CNTNAP2: variants seen among roughly 807,000 people sequenced by gnomAD.
CNTNAP2 encodes the protein contactin-associated protein-like 2.
In CNTNAP2, 98 loss-of-function variants were observed where a neutral mutation model predicts 155.2. The ratio of observed to expected loss-of-function variants is 0.63; its 90% CI spans 0.54 to 0.75. The LOEUF is 0.75. Ranked by LOEUF, CNTNAP2 falls within the 30% of genes least tolerant of loss-of-function variation. The probability of loss-of-function intolerance (pLI) is 0.00; values close to 1 mark genes in which losing one functional copy is unlikely to be tolerated. For missense variants in CNTNAP2, 1,727 were observed against 1,688.1 expected (o/e 1.02, Z -0.40); for synonymous variants, 651 against 631.2 (o/e 1.03, Z -0.47).
At chr7:146,302,905 G>A (rs1018074634) in intron 1 of CNTNAP2, among the ~76,000 whole-genome samples, 1 of 152,110 alleles carries the variant, frequency 6.6e-6, no homozygotes, top group East Asian at 1.9e-4. Context: ...TATGACCTTT[G>A]TAATAAATGT....
intron 21 of CNTNAP2, among the ~76,000 whole-genome samples, chr7:148,372,013 G>A (rs984599922): frequency 1.3e-5 from 2 of 151,888 alleles, no homozygotes; most frequent in African/African-American, 4.8e-5. Context: ...AGCCTGGCCA[G>A]CATGGTGAAA....
At chr7:148,380,307 G>A (rs1332254986) in intron 21 of CNTNAP2, among the ~76,000 whole-genome samples, 1 of 152,210 alleles carries the variant, frequency 6.6e-6, no homozygotes, top group Admixed American at 6.5e-5. Flanking sequence ...TCAAAAAAGT[G>A]ATAGCTATAC....
chr7:147,506,789 A>T (rs1242979210), intron 11 of CNTNAP2, among the ~76,000 whole-genome samples: 4 of 152,192 alleles, frequency 2.6e-5, no homozygotes, highest in Non-Finnish European at 5.9e-5. Context: ...TAACAAAAAC[A>T]CACTTGTTAG....
chr7:146,725,354 A>T (rs1356438550), intron 1 of CNTNAP2, among the ~76,000 whole-genome samples: 1 of 152,224 alleles, frequency 6.6e-6, no homozygotes, highest in African/African-American at 2.4e-5. Flanking sequence ...GCAGTGAAAG[A>T]GATCTGATGT....
chr7:146,598,221 A>C (rs1165022638), intron 1 of CNTNAP2, among the ~76,000 whole-genome samples: 1 of 152,144 alleles, frequency 6.6e-6, no homozygotes, highest in Non-Finnish European at 1.5e-5. Flanking sequence ...CCAGATGTCA[A>C]CACAGCAATT....
intron 8 of CNTNAP2, among the ~76,000 whole-genome samples, chr7:147,251,206 C>T (rs1016938646): frequency 6.6e-6 from 1 of 152,090 alleles, no homozygotes; most frequent in Non-Finnish European, 1.5e-5. Context: ...GCTGTCTTAG[C>T]AGACACCATC....
At chr7:146,361,681 C>T (rs1795085199) in intron 1 of CNTNAP2, among the ~76,000 whole-genome samples, 2 of 152,136 alleles carry the variant, frequency 1.3e-5, no homozygotes, top group Non-Finnish European at 2.9e-5. Context: ...CTTTATAGGT[C>T]AGGATCCATT....
chr7:147,682,274 G>T (rs536131017), intron 13 of CNTNAP2, among the ~76,000 whole-genome samples: 8 of 151,932 alleles, frequency 5.3e-5, no homozygotes, highest in African/African-American at 1.9e-4. Context: ...TTAATAAACT[G>T]CTAATTAGAA....
At chr7:147,514,712 G>C (rs757957668) in intron 11 of CNTNAP2, among the ~76,000 whole-genome samples, 1 of 151,936 alleles carries the variant, frequency 6.6e-6, no homozygotes, top group Non-Finnish European at 1.5e-5. Flanking sequence ...ATAGAGAAGA[G>C]AATGGGCCAT....
chr7:147,781,220 C>T (rs1405147521), intron 13 of CNTNAP2, among the ~76,000 whole-genome samples: 1 of 152,134 alleles, frequency 6.6e-6, no homozygotes, highest in Non-Finnish European at 1.5e-5. Context: ...TTTATGTTGC[C>T]TTATGACTGC....
intron 1 of CNTNAP2, among the ~76,000 whole-genome samples, chr7:146,248,058 G>A (rs939996327): frequency 4.7e-5 from 7 of 147,654 alleles, no homozygotes; most frequent in Non-Finnish European, 7.4e-5. Context: ...ATAAGGGATC[G>A]GGGCACAGAG....
chr7:147,550,530 C>T (rs1799831543), intron 11 of CNTNAP2, among the ~76,000 whole-genome samples: 1 of 152,160 alleles, frequency 6.6e-6, no homozygotes, highest in Non-Finnish European at 1.5e-5. Flanking sequence ...TTATAAATTA[C>T]CCAGTCTCAT....
At position 146,839,879 on chromosome 7, in the gene CNTNAP2, C is replaced by G. The variant is rs1409046133; in HGVS notation, c.377C>G (p.Pro126Arg). 1 of 1,613,974 alleles carries G rather than the reference C, an allele frequency of 6.2e-7. No homozygotes were observed. The highest frequency in any genetic ancestry group is 8.5e-7 in the Non-Finnish European group (1 of 1,180,028). Residue 126 changes from proline to arginine, a missense_variant, in exon 3 of 24, where the codon CCC becomes CGC. By Grantham distance (103) the Pro-to-Arg change is moderately radical (BLOSUM62 -2). Coordinates refer to ENST00000361727, the MANE Select transcript of CNTNAP2 (RefSeq NM_014141.6). ...AGCGACACAGGGAGAAACTGGAAAC[C>G]CTATCATCAAGATGGGAATATCTGG... is the stretch of plus-strand genomic sequence containing the variant. ...LYSDTGRNWK[P>R]YHQDGNIWAF...
chr7:147,290,560 G>A (rs1327405227), intron 8 of CNTNAP2, among the ~76,000 whole-genome samples: 1 of 151,802 alleles, frequency 6.6e-6, no homozygotes, highest in Non-Finnish European at 1.5e-5. Context: ...GCTTGTGCCT[G>A]TAATCCCAGC....
chr7:148,204,190 G>A (rs1228046889), intron 18 of CNTNAP2, among the ~76,000 whole-genome samples: 1 of 152,182 alleles, frequency 6.6e-6, no homozygotes, highest in African/African-American at 2.4e-5. Context: ...TCTGCTTTAA[G>A]ACTGCCGATA....
intron 14 of CNTNAP2, among the ~76,000 whole-genome samples, chr7:147,975,052 ATAATACAATTTTTTGTATTATG>A (rs1801404183): frequency 6.6e-6 from 1 of 151,292 alleles, no homozygotes; most frequent in Admixed American, 6.6e-5. Context: ...TGTATTACGT[ATAATACAATTTTTTGTATTATG>A]TATAATACAA....
At chr7:146,742,297 C>G (rs1230766288) in intron 1 of CNTNAP2, among the ~76,000 whole-genome samples, 1 of 152,072 alleles carries the variant, frequency 6.6e-6, no homozygotes, top group Non-Finnish European at 1.5e-5. Context: ...TACTTAAAGT[C>G]TTCTTTAGGA....
intron 1 of CNTNAP2, among the ~76,000 whole-genome samples, chr7:146,367,168 A>T (rs1257836607): frequency 6.6e-6 from 1 of 152,152 alleles, no homozygotes; most frequent in African/African-American, 2.4e-5. Flanking sequence ...AATATCATGG[A>T]TGCTCACATT....
intron 21 of CNTNAP2, among the ~76,000 whole-genome samples, chr7:148,306,816 T>C (rs1797499865): frequency 6.6e-6 from 1 of 152,106 alleles, no homozygotes; most frequent in African/African-American, 2.4e-5. Context: ...TTTTTCTTTT[T>C]TCTTCTCCTG....
Sources: gnomAD v4.1 joint callset for allele counts (sites outside exome capture counted in the v4.1 genomes callset) on GRCh38, gnomAD v4.1.1 for gene constraint, MANE v1.5 for transcripts, NCBI Gene and HGNC (gene_info 2026-07-23, HGNC 2026-07-21) for gene names.